LMF1: variants seen among roughly 807,000 people sequenced by gnomAD.
LMF1 encodes transmembrane protein 112.
In LMF1, 68 loss-of-function variants were observed where a neutral mutation model predicts 60.6. That is an observed-to-expected ratio of 1.12 (90% CI 0.92 to 1.37). The LOEUF (loss-of-function observed/expected upper bound fraction) is 1.37, where lower values mean the gene tolerates loss of function less well. LMF1 is among the 40% of genes most tolerant of loss of function. The pLI, the probability that LMF1 is intolerant of heterozygous loss-of-function variation, is 0.00. For synonymous variants in LMF1, 418 were observed against 324.7 expected, an observed-to-expected ratio of 1.29 and a Z score of -3.09; for missense variants, 948 against 767.2, an observed-to-expected ratio of 1.24 and a Z score of -2.78.
At chr16:854,796 A>C (rs2151673379) in intron 10 of LMF1, 90 bp from the exon 11 acceptor site, 3 of 1,228,442 alleles carry the variant, frequency 2.4e-6, no homozygotes, top group South Asian at 2.6e-5. Flanking sequence ...GCAGCTGCTC[A>C]CAGGGTCCCC....
At chr16:934,655 G>A (rs1384467915) in intron 2 of LMF1, among the ~76,000 whole-genome samples, 1 of 152,254 alleles carries the variant, frequency 6.6e-6, no homozygotes, top group Non-Finnish European at 1.5e-5. Context: ...GATCTTAAAT[G>A]AAAGGAATTG....
rs1204443046 is a variant in LMF1 at position 954,649 on chromosome 16, C to T, written c.211G>A (p.Ala71Thr). The T allele has an allele frequency of 1.9e-6, 3 of 1,597,888 alleles. No homozygotes were observed. In the South Asian group the frequency reaches 3.3e-5, roughly 18 times the overall value. Reference sequence around the variant, plus strand: ...ATGAGCTGCTTGTTCTGATGGAAAGCCACCAGGAATGCCACGACTGGAAGA... The same window carrying T: ...ATGAGCTGCTTGTTCTGATGGAAAGTCACCAGGAATGCCACGACTGGAAGA... ...AFVYFVAFLV[A>T]FHQNKQLIGD... The change falls in exon 2 of 11, where the codon GCT (alanine) becomes ACT (threonine). Residue 71 changes from alanine to threonine, a missense_variant. By Grantham distance (58) the Ala-to-Thr change is moderately conservative. Coordinates refer to ENST00000262301, the MANE Select transcript of LMF1 (RefSeq NM_022773.4).
intron 6 of LMF1, chr16:873,781 G>T (rs1164477101): frequency 6.6e-6 from 1 of 152,364 alleles, no homozygotes; most frequent in East Asian, 1.9e-4. Context: ...GGGAGGTAGA[G>T]AATCTGCTGA....
At chr16:949,442 C>T (rs529666025) in intron 2 of LMF1, among the ~76,000 whole-genome samples, 1,757 of 139,864 alleles carry the variant, frequency 0.013, 2 homozygotes, top group Middle Eastern at 0.026. Flanking sequence ...GTCAGGCCAA[C>T]GACAGAGTCA....
intron 3 of LMF1, chr16:921,202 A>T (rs1008327557): frequency 6.6e-6 from 1 of 152,252 alleles, no homozygotes; most frequent in Non-Finnish European, 1.5e-5. Context: ...GGAGGATAAG[A>T]AGTCCAGGTA....
chr16:906,896 G>A (rs1567218598), intron 4 of LMF1, among the ~76,000 whole-genome samples: 1 of 152,246 alleles, frequency 6.6e-6, no homozygotes, highest in East Asian at 1.9e-4. Context: ...AATTGGTGAC[G>A]ATGGACAGTT....
intron 1 of LMF1, among the ~76,000 whole-genome samples, chr16:955,095 G>GAACCAGACACGTTACATAAAATGC (rs2072651001): frequency 1.1e-5 from 1 of 92,432 alleles, no homozygotes; most frequent in Non-Finnish European, 2.1e-5. Flanking sequence ...CAGCAGACGC[G>GAACCAGACACGTTACATAAAATGC]GTGTGTGCAC....
intron 1 of LMF1, chr16:976,431 C>T (rs932730631): frequency 2.2e-6 from 1 of 454,146 alleles, no homozygotes; most frequent in Non-Finnish European, 4.4e-6. Context: ...TTTACTGCCA[C>T]CAACGGAAGC....
intron 1 of LMF1, among the ~76,000 whole-genome samples, chr16:963,640 G>A (rs958639875): frequency 1.3e-5 from 2 of 152,092 alleles, no homozygotes; most frequent in African/African-American, 4.8e-5. Flanking sequence ...CTAGGCTGGG[G>A]CCCCTTTCCC....
intron 2 of LMF1, 101 bp from the exon 3 acceptor site, chr16:934,355 G>C (rs998795737): frequency 6.8e-7 from 1 of 1,474,610 alleles, no homozygotes; most frequent in African/African-American, 1.4e-5. Flanking sequence ...CACCCAGCAC[G>C]GTGTGGGGTC....
chr16:929,554 G>T (rs575596509), intron 3 of LMF1, among the ~76,000 whole-genome samples: 1 of 152,234 alleles, frequency 6.6e-6, no homozygotes, highest in East Asian at 1.9e-4. Flanking sequence ...GCGCAAGGGC[G>T]GCTGGAAGCT....
intron 2 of LMF1, among the ~76,000 whole-genome samples, chr16:949,503 T>C (rs1447256832): frequency 1.1e-4 from 8 of 72,908 alleles, no homozygotes; most frequent in African/African-American, 2.7e-4. Context: ...ACGACAGAGT[T>C]AGAGACAATG....
chr16:854,771 G>A (rs553586321), intron 10 of LMF1, 65 bp from the exon 11 acceptor site: 300 of 1,425,106 alleles, frequency 2.1e-4, no homozygotes, highest in Middle Eastern at 3.6e-4. Context: ...CGGCTCCTCA[G>A]CCTGCTGCTG....
upstream of LMF1, chr16:981,347 AGTGTGTGTGTGTGTGT>A (rs752216162): frequency 7.3e-5 from 7 of 96,294 alleles, no homozygotes; most frequent in South Asian, 2.3e-4. Context: ...AGAGAGAGAG[AGTGTGTGTGTGTGTGT>A]GTGTGTGTGT....
intron 10 of LMF1, 36 bp downstream of exon 10, chr16:868,908 G>T (rs769485130): frequency 1.0e-5 from 14 of 1,361,472 alleles, no homozygotes; most frequent in Non-Finnish European, 1.5e-5. Context: ...TGGATTTGGG[G>T]GAGACCCCTG....
chr16:854,616 G>A lies in LMF1; in HGVS notation c.1620C>T (p.Ile540=), dbSNP rs747840267. 105 of 1,606,694 alleles carry A rather than the reference G, an allele frequency of 6.5e-5. 1 individual carries two copies. Among genetic ancestry groups the A allele is most frequent in the Non-Finnish European group, 8.1e-5 (96 of 1,178,164 alleles). Residue 540 remains isoleucine (I), a synonymous_variant, in exon 11 of 11, where the codon ATC becomes ATT. Transcript: ENST00000262301. ...GGCTGAGCGGAGGGAAGTAGGCTCC[G>A]ATCCTCTTCCGCACCCACCACTTGC... ...AEGKWWVRKR[I]GAYFPPLSLE...
intron 2 of LMF1, among the ~76,000 whole-genome samples, chr16:948,598 A>T (rs1337339954): frequency 1.3e-4 from 17 of 135,896 alleles, no homozygotes; most frequent in Non-Finnish European, 8.6e-5. Context: ...CCAACGACAG[A>T]ATCAAAGACA....
In LMF1 at chr16:879,552, C is replaced by T. The variant is rs759678975; in HGVS notation, c.897+18G>A. ...GCGTCTCTGTGGACACGGGGCAGGG[C>T]GGGCGGCGCGGGCTCACCTGGAACA... On this transcript the variant is annotated intron_variant, in intron 6 of 10. Transcript: ENST00000262301. 4.4e-5 allele frequency: 71 copies of T among 1,610,318 alleles called. No homozygotes were observed. The Middle Eastern group carries it at 6.6e-4, about 15-fold the overall frequency.
At chr16:954,104 A>T (rs2072601897) in intron 2 of LMF1, 1 of 602,570 alleles carries the variant, frequency 1.7e-6, no homozygotes, top group South Asian at 1.6e-5. Flanking sequence ...CTCTGGCTCC[A>T]GTAAGCTGGC....
Sources: allele counts gnomAD v4.1 joint callset (sites outside exome capture counted in the v4.1 genomes callset), GRCh38; gene constraint gnomAD v4.1.1; transcripts MANE v1.5; gene names NCBI Gene and HGNC (gene_info 2026-07-23, HGNC 2026-07-21).